RBFOX2: variants seen among roughly 807,000 people sequenced by gnomAD.
RBFOX2 encodes the protein RNA binding protein fox-1 homolog 2.
RBFOX2 carries 10 observed loss-of-function variants against 49.1 expected under a neutral mutation model. That is an observed-to-expected ratio of 0.20 (90% CI 0.13 to 0.35). The LOEUF (loss-of-function observed/expected upper bound fraction) is 0.35. RBFOX2 is among the 10% of genes least tolerant of loss of function. The pLI is 1.00. For missense variants in RBFOX2, 323 were observed against 486.9 expected (o/e 0.66, Z 3.17); for synonymous variants, 183 against 187.4 (o/e 0.98, Z 0.19).
At chr22:35,764,350 C>T (rs1360873448) in intron 6 of RBFOX2, among the ~76,000 whole-genome samples, 2 of 152,062 alleles carry the variant, frequency 1.3e-5, no homozygotes, top group African/African-American at 4.8e-5. Flanking sequence ...TTTGGGAGGC[C>T]ACGGTGGGCG....
chr22:35,748,857 A>G (rs1933816510), intron 9 of RBFOX2, among the ~76,000 whole-genome samples: 2 of 152,236 alleles, frequency 1.3e-5, no homozygotes, highest in Non-Finnish European at 2.9e-5. Flanking sequence ...GTACTCAACC[A>G]AGGGTAGGTT....
intron 2 of RBFOX2, among the ~76,000 whole-genome samples, chr22:35,783,327 T>A (rs918727017): frequency 1.2e-4 from 19 of 152,244 alleles, no homozygotes; most frequent in African/African-American, 3.6e-4. Flanking sequence ...TCAATCACGC[T>A]GCCTTTCCAC....
At chr22:35,758,754 T>C (rs1195205075) in intron 9 of RBFOX2, among the ~76,000 whole-genome samples, 1 of 152,156 alleles carries the variant, frequency 6.6e-6, no homozygotes, top group African/African-American at 2.4e-5. Context: ...TCAACATACC[T>C]TGTCTAATAA....
At chr22:36,012,929 A>T (rs990512299) in intron 1 of RBFOX2, among the ~76,000 whole-genome samples, 1 of 151,870 alleles carries the variant, frequency 6.6e-6, no homozygotes, top group Admixed American at 6.6e-5. Flanking sequence ...TACGCCCAGC[A>T]AATTTTTTTT....
upstream of RBFOX2, chr22:35,938,909 A>G: frequency 6.2e-7 from 1 of 1,611,202 alleles, no homozygotes; most frequent in South Asian, 1.1e-5. Flanking sequence ...TATGAGAAAG[A>G]CAAGAAAAAT....
At chr22:35,987,103 GTAATCATACAGCATT>G (rs1251441982) in intron 1 of RBFOX2, among the ~76,000 whole-genome samples, 1 of 151,942 alleles carries the variant, frequency 6.6e-6, no homozygotes, top group South Asian at 2.1e-4. Flanking sequence ...TAAAATATTT[GTAATCATACAGCATT>G]TAAATCTCTC....
intron 1 of RBFOX2, among the ~76,000 whole-genome samples, chr22:35,825,467 A>G (rs996063995): frequency 6.6e-6 from 1 of 151,928 alleles, no homozygotes; most frequent in African/African-American, 2.4e-5. Context: ...TAAGGTCTGT[A>G]TTCTTTATAT....
At chr22:35,793,215 T>G (rs1948125275) in intron 2 of RBFOX2, among the ~76,000 whole-genome samples, 1 of 152,092 alleles carries the variant, frequency 6.6e-6, no homozygotes, top group Non-Finnish European at 1.5e-5. Flanking sequence ...CTACTAAAAA[T>G]AGAAAGAAAT....
At chr22:36,026,541 T>TACACACACAC (rs3075271) in intron 1 of RBFOX2, among the ~76,000 whole-genome samples, 308 of 136,634 alleles carry the variant, frequency 2.3e-3, no homozygotes, top group African/African-American at 8.4e-3. Context: ...AATGAATACA[T>TACACACACAC]ACACACACAC....
intron 9 of RBFOX2, among the ~76,000 whole-genome samples, chr22:35,752,148 T>C (rs1316211854): frequency 2.0e-5 from 3 of 152,226 alleles, no homozygotes; most frequent in Admixed American, 1.3e-4. Flanking sequence ...AGCAGCACAG[T>C]CCAATTACAA....
chr22:35,819,725 C>G (rs189249048), intron 1 of RBFOX2, among the ~76,000 whole-genome samples: 3 of 152,218 alleles, frequency 2.0e-5, no homozygotes, highest in Non-Finnish European at 4.4e-5. Context: ...AAGTCCCTGC[C>G]CTTATGGAGT....
intron 1 of RBFOX2, among the ~76,000 whole-genome samples, chr22:35,988,475 A>C (rs931608797): frequency 1.3e-5 from 2 of 152,216 alleles, no homozygotes; most frequent in Admixed American, 1.3e-4. Context: ...GGTGCTATGA[A>C]AGCAGTCAAG....
At chr22:35,938,248 G>A (rs780270222) in intron 1 of RBFOX2, among the ~76,000 whole-genome samples, 28 of 152,286 alleles carry the variant, frequency 1.8e-4, no homozygotes, top group Middle Eastern at 6.8e-3. Flanking sequence ...CAAAAAGATA[G>A]GGAAGGCATT....
intron 9 of RBFOX2, among the ~76,000 whole-genome samples, chr22:35,752,268 ACTG>A (rs1462524441): frequency 1.3e-5 from 2 of 152,176 alleles, no homozygotes; most frequent in Non-Finnish European, 2.9e-5. Context: ...AATGTCCCCA[ACTG>A]CTAAGATCTA....
intron 1 of RBFOX2, among the ~76,000 whole-genome samples, chr22:35,828,074 T>C (rs1042600228): frequency 3.3e-5 from 5 of 151,724 alleles, no homozygotes; most frequent in Non-Finnish European, 2.9e-5. Context: ...GGCAGGAGAA[T>C]TGCTTGAGCC....
At position 36,012,851 on chromosome 22, in the gene RBFOX2, G is replaced by A. The variant is rs745824563; in HGVS notation, c.186+15389C>T. ...ATGATCTCGGCTCACTGCAACCTCC[G>A]CCTCCCAAATTCAAGCGATTCTCCT... On this transcript the variant is annotated intron_variant, in intron 1 of 13. Coordinates refer to the RBFOX2 transcript ENST00000438146. 4.1e-4 allele frequency among the ~76,000 whole-genome samples: 62 copies of A among 151,698 alleles called. 1 individual carries two copies. Among genetic ancestry groups the A allele is most frequent in the Admixed American group, 1.1e-3 (16 of 15,200 alleles).
chr22:35,784,855 G>A (rs1261533576), intron 2 of RBFOX2, among the ~76,000 whole-genome samples: 3 of 152,246 alleles, frequency 2.0e-5, no homozygotes, highest in Admixed American at 6.5e-5. Flanking sequence ...GTTGCCGGCC[G>A]CTGCGGTGGG....
At chr22:35,770,800 T>C (rs910078193) in intron 4 of RBFOX2, among the ~76,000 whole-genome samples, 1 of 152,182 alleles carries the variant, frequency 6.6e-6, no homozygotes, top group African/African-American at 2.4e-5. Context: ...AACATTCATG[T>C]CTGCTTGGAT....
intron 1 of RBFOX2, among the ~76,000 whole-genome samples, chr22:36,007,018 G>C (rs1341762874): frequency 6.6e-6 from 1 of 152,150 alleles, no homozygotes; most frequent in Non-Finnish European, 1.5e-5. Flanking sequence ...TGTCTAGCTA[G>C]GGGACATTTC....
Sources: gnomAD v4.1 joint callset for allele counts (sites outside exome capture counted in the v4.1 genomes callset) on GRCh38, gnomAD v4.1.1 for gene constraint, MANE v1.5 for transcripts, NCBI Gene and HGNC (gene_info 2026-07-23, HGNC 2026-07-21) for gene names.